SYNPR: variants seen among roughly 807,000 people sequenced by gnomAD.
SYNPR encodes synaptoporin.
In SYNPR, 23 loss-of-function variants were observed where a neutral mutation model predicts 32.9. The observed-to-expected ratio is 0.70, with a 90% confidence interval of 0.50 to 0.99. The LOEUF (loss-of-function observed/expected upper bound fraction) is 0.99. Among genes scored for constraint, SYNPR ranks in the 50% least tolerant of loss-of-function variants. The probability of loss-of-function intolerance (pLI) is 0.00; values close to 1 mark genes in which losing one functional copy is unlikely to be tolerated. For synonymous variants in SYNPR, 146 were observed against 135.9 expected (o/e 1.07, Z -0.52); for missense variants, 318 against 349.3 (o/e 0.91, Z 0.71).
At chr3:63,366,481 G>A (rs1187313577) in intron 2 of SYNPR, among the ~76,000 whole-genome samples, 1 of 150,176 alleles carries the variant, frequency 6.7e-6, no homozygotes, top group African/African-American at 2.4e-5. Flanking sequence ...TATAAAGTAT[G>A]TGTACTTTTA....
intron 3 of SYNPR, among the ~76,000 whole-genome samples, chr3:63,529,880 C>T (rs6801670): frequency 0.38 from 58,398 of 151,794 alleles, 11,459 homozygotes; most frequent in African/African-American, 0.46. Flanking sequence ...GATACAATAT[C>T]TTTGGGAGTC....
chr3:63,296,831 ACT>A (rs2086795414), intron 2 of SYNPR, among the ~76,000 whole-genome samples: 1 of 152,070 alleles, frequency 6.6e-6, no homozygotes, highest in Admixed American at 6.6e-5. Context: ...GTGAGGTATG[ACT>A]CTATTTATAT....
intron 2 of SYNPR, among the ~76,000 whole-genome samples, chr3:63,353,850 T>C (rs536417767): frequency 6.6e-6 from 1 of 152,350 alleles, no homozygotes; most frequent in South Asian, 2.1e-4. Context: ...AAAAATATAG[T>C]GCTGTCAGAT....
Position 63,278,438 on chromosome 3 carries a change from C to A in SYNPR, c.-96C>A. ...CTCCAGGGTGTCGCTCCTCTGGCTG[C>A]TCCCGAAGGGGCTTCTGGCCCTGAG... On this transcript the variant is annotated 5_prime_UTR_variant, in exon 1 of 6. Transcript: ENST00000478300. 1 of 1,443,856 alleles carries A rather than the reference C, an allele frequency of 6.9e-7. No homozygotes were observed. The highest frequency in any genetic ancestry group is 2.5e-5 in the Admixed American group (1 of 39,730). The allele number at this position is 1,443,856 out of a possible 1,614,324, so 89.4% of individuals were successfully genotyped here. A position where few individuals can be genotyped will look rare whatever the true frequency, so the allele number is the denominator to read the frequency against.
In SYNPR at chr3:63,378,093, C is replaced by T. The variant is rs2087917691; in HGVS notation, c.84+99351C>T. Among the ~76,000 whole-genome samples the T allele has an allele frequency of 2.0e-5, 3 of 150,698 alleles. No homozygotes were observed. The South Asian group carries it at 6.3e-4, about 32-fold the overall frequency. On this transcript the variant is annotated intron_variant, in intron 2 of 5. Coordinates refer to ENST00000478300, the MANE Select transcript of SYNPR (RefSeq NM_001130003.2). ...GGATAATTCCATATGTATTTTTGTA[C>T]ATAAATTATAGGTATTTAGTATAAT...
At chr3:63,430,121 C>A (rs1320314796) in intron 2 of SYNPR, among the ~76,000 whole-genome samples, 1 of 152,158 alleles carries the variant, frequency 6.6e-6, no homozygotes, top group African/African-American at 2.4e-5. Context: ...AACTTTGGCA[C>A]ATTGCCAGAT....
intron 2 of SYNPR, chr3:63,443,317 TCTC>T: frequency 2.0e-6 from 3 of 1,497,576 alleles, no homozygotes; most frequent in African/African-American, 1.4e-5. Context: ...ATTTTCTTCT[TCTC>T]CTCCTTTGCT....
intron 2 of SYNPR, among the ~76,000 whole-genome samples, chr3:63,422,937 A>G (rs1699825379): frequency 6.6e-6 from 1 of 152,238 alleles, no homozygotes; most frequent in Non-Finnish European, 1.5e-5. Flanking sequence ...ACATATTCAT[A>G]AAAGGAAACA....
At chr3:63,322,796 T>C (rs1370190347) in intron 2 of SYNPR, among the ~76,000 whole-genome samples, 1 of 152,100 alleles carries the variant, frequency 6.6e-6, no homozygotes, top group African/African-American at 2.4e-5. Context: ...TGTAAACATA[T>C]ACAAAGGAAT....
intron 5 of SYNPR, 129 bp downstream of exon 5, chr3:63,609,445 C>T: frequency 1.5e-5 from 11 of 722,866 alleles, no homozygotes; most frequent in Non-Finnish European, 2.1e-5. Context: ...AGGTGAGATA[C>T]TTCACCTCAG....
chr3:63,532,304 T>A (rs948231520), intron 3 of SYNPR, among the ~76,000 whole-genome samples: 1 of 152,180 alleles, frequency 6.6e-6, no homozygotes, highest in African/African-American at 2.4e-5. Flanking sequence ...AAATAACAGT[T>A]CTTCCTAATG....
chr3:63,605,540 A>T (rs539420254), intron 4 of SYNPR, among the ~76,000 whole-genome samples: 1 of 152,348 alleles, frequency 6.6e-6, no homozygotes, highest in African/African-American at 2.4e-5. Context: ...TGCGTCAGGC[A>T]CCATTCTTTG....
chr3:63,371,102 C>T (rs895802544), intron 2 of SYNPR, among the ~76,000 whole-genome samples: 1 of 152,066 alleles, frequency 6.6e-6, no homozygotes, highest in Non-Finnish European at 1.5e-5. Flanking sequence ...GACAACCACC[C>T]ACCTGGGATG....
intron 2 of SYNPR, among the ~76,000 whole-genome samples, chr3:63,408,276 A>G (rs1297132955): frequency 3.5e-5 from 3 of 85,416 alleles, no homozygotes; most frequent in East Asian, 6.6e-4. Context: ...AAAGAAAGAA[A>G]GAGGAAGGAA....
intron 2 of SYNPR, among the ~76,000 whole-genome samples, chr3:63,439,463 G>A (rs1171774551): frequency 1.3e-5 from 2 of 152,152 alleles, no homozygotes; most frequent in Non-Finnish European, 2.9e-5. Context: ...CCGACTGTCT[G>A]AGCTATCTGA....
At chr3:63,411,064 T>A (rs2088458002) in intron 2 of SYNPR, among the ~76,000 whole-genome samples, 1 of 152,210 alleles carries the variant, frequency 6.6e-6, no homozygotes, top group South Asian at 2.1e-4. Context: ...GTTTTCTGCT[T>A]AATGAGCTGC....
At chr3:63,601,954 G>A (rs1700051318) in intron 4 of SYNPR, among the ~76,000 whole-genome samples, 1 of 152,142 alleles carries the variant, frequency 6.6e-6, no homozygotes, top group Non-Finnish European at 1.5e-5. Context: ...TACCAACAGT[G>A]TATTAGCATT....
chr3:63,525,979 T>C (rs144659892), intron 3 of SYNPR, among the ~76,000 whole-genome samples: 1 of 152,280 alleles, frequency 6.6e-6, no homozygotes, highest in African/African-American at 2.4e-5. Flanking sequence ...AGGCAGCTTC[T>C]ACTCATGGTA....
chr3:63,503,663 A>G lies in SYNPR; in HGVS notation c.209+22707A>G, dbSNP rs865988930. 3.9e-5 allele frequency among the ~76,000 whole-genome samples: 6 copies of G among 152,170 alleles called. No homozygotes were observed. The South Asian group carries it at 1.2e-3, about 32-fold the overall frequency. On this transcript the variant is annotated intron_variant, in intron 3 of 5. Transcript: ENST00000478300. ...TATTCCAGTTTTGTCATTTGTTTACATCTCATTTTATTTAAAATGTATTTT... is the reference window on the plus strand; with the variant it reads ...TATTCCAGTTTTGTCATTTGTTTACGTCTCATTTTATTTAAAATGTATTTT...
Sources: gnomAD v4.1 joint callset for allele counts (sites outside exome capture counted in the v4.1 genomes callset) on GRCh38, gnomAD v4.1.1 for gene constraint, MANE v1.5 for transcripts, NCBI Gene and HGNC (gene_info 2026-07-23, HGNC 2026-07-21) for gene names.